The following PEBP4 variants were observed in gnomAD, a reference collection of about 807,000 sequenced individuals.
PEBP4 encodes phosphatidylethanolamine-binding protein 4.
A neutral mutation model predicts 23.9 loss-of-function variants in PEBP4; 22 were observed. The ratio of observed to expected loss-of-function variants is 0.92; its 90% CI spans 0.66 to 1.31. PEBP4 has a LOEUF of 1.31. PEBP4 is among the 40% of genes most tolerant of loss of function. PEBP4 has a pLI of 0.00. For synonymous variants in PEBP4, 112 were observed against 99.3 expected (o/e 1.13, Z -0.76); for missense variants, 324 against 281.7 (o/e 1.15, Z -1.07).
chr8:22,918,636 T>C (rs1809130625), intron 3 of PEBP4, among the ~76,000 whole-genome samples: 1 of 152,190 alleles, frequency 6.6e-6, no homozygotes, highest in Non-Finnish European at 1.5e-5. Flanking sequence ...AGAATTCCCT[T>C]GGGACTGTCC....
At chr8:22,851,984 G>T (rs1462567678) in intron 3 of PEBP4, among the ~76,000 whole-genome samples, 1 of 152,116 alleles carries the variant, frequency 6.6e-6, no homozygotes, top group East Asian at 1.9e-4. Context: ...GGCAGGGAAA[G>T]AAATTAATTT....
intron 3 of PEBP4, among the ~76,000 whole-genome samples, chr8:22,854,502 T>C (rs540423235): frequency 6.6e-6 from 1 of 152,234 alleles, no homozygotes; most frequent in Admixed American, 6.5e-5. Flanking sequence ...AATAGTGCCT[T>C]GATAAGAGCC....
At chr8:22,854,227 AT>A (rs1807597435) in intron 3 of PEBP4, among the ~76,000 whole-genome samples, 1 of 152,184 alleles carries the variant, frequency 6.6e-6, no homozygotes, top group African/African-American at 2.4e-5. Context: ...GCTGGTGTTC[AT>A]TTTAACTCTA....
chr8:22,803,164 G>A (rs1035092509), intron 4 of PEBP4, among the ~76,000 whole-genome samples: 7 of 152,064 alleles, frequency 4.6e-5, no homozygotes, highest in African/African-American at 9.7e-5. Context: ...TTATAAAGTC[G>A]CAGCACCTGA....
At chr8:22,809,161 C>T (rs1806563533) in intron 4 of PEBP4, among the ~76,000 whole-genome samples, 1 of 152,202 alleles carries the variant, frequency 6.6e-6, no homozygotes, top group African/African-American at 2.4e-5. Context: ...GCACCAGGTG[C>T]TACGTGCTGG....
chr8:22,725,103 G>A, intron 5 of PEBP4, 147 bp from the exon 6 acceptor site: 2 of 605,380 alleles, frequency 3.3e-6, no homozygotes, highest in Non-Finnish European at 6.0e-6. Context: ...TATTTGGCGG[G>A]ATCTCAGCTT....
intron 4 of PEBP4, among the ~76,000 whole-genome samples, chr8:22,791,888 A>T (rs1157832576): frequency 2.6e-5 from 4 of 151,898 alleles, no homozygotes; most frequent in Non-Finnish European, 5.9e-5. Flanking sequence ...ACAGGGTCTC[A>T]ATCTGTCTCC....
intron 3 of PEBP4, among the ~76,000 whole-genome samples, chr8:22,898,389 CCCAAAAAAAAAAAAAAAAAAAAAAAAAA>C (rs1808635318): frequency 1.6e-4 from 14 of 86,688 alleles, no homozygotes; most frequent in Admixed American, 1.3e-3. Context: ...AAGACTCCAC[CCCAAAAAAAAAAAAAAAAAAAAAAAAAA>C]AAAAAAAAAA....
chr8:22,763,454 C>T (rs1444823119), intron 4 of PEBP4, among the ~76,000 whole-genome samples: 3 of 152,062 alleles, frequency 2.0e-5, no homozygotes, highest in Non-Finnish European at 2.9e-5. Context: ...GTTTAAAGTA[C>T]GTGTTTACGA....
chr8:22,857,631 G>A (rs1473255953), intron 3 of PEBP4, among the ~76,000 whole-genome samples: 4 of 152,192 alleles, frequency 2.6e-5, no homozygotes, highest in Non-Finnish European at 1.5e-5. Flanking sequence ...AGGAGAACCT[G>A]AAGTTGGGGG....
chr8:22,933,912 G>A (rs369124015), intron 1 of PEBP4, among the ~76,000 whole-genome samples: 10 of 152,248 alleles, frequency 6.6e-5, no homozygotes, highest in Middle Eastern at 3.4e-3. Flanking sequence ...TCTGCTGGCC[G>A]GAAGACTGGG....
chr8:22,796,668 T>A (rs936921591), intron 4 of PEBP4, among the ~76,000 whole-genome samples: 4 of 152,094 alleles, frequency 2.6e-5, no homozygotes, highest in African/African-American at 9.7e-5. Flanking sequence ...GGGGCCTAGA[T>A]TATCCTAAGT....
At chr8:22,791,803 C>G (rs1205708357) in intron 4 of PEBP4, among the ~76,000 whole-genome samples, 4 of 152,064 alleles carry the variant, frequency 2.6e-5, no homozygotes, top group Admixed American at 6.6e-5. Flanking sequence ...GAGTGTACAG[C>G]AATAAACAAG....
chr8:22,724,694 G>T (rs1804587527), intron 6 of PEBP4, 149 bp downstream of exon 6: 2 of 640,266 alleles, frequency 3.1e-6, no homozygotes, highest in Non-Finnish European at 5.6e-6. Flanking sequence ...ACTCCTTCCA[G>T]TTCACTCCCA....
At chr8:22,778,511 C>T (rs1387903075) in intron 4 of PEBP4, among the ~76,000 whole-genome samples, 1 of 151,980 alleles carries the variant, frequency 6.6e-6, no homozygotes, top group Non-Finnish European at 1.5e-5. Flanking sequence ...GGCTCCTGGG[C>T]CTTCTTGGGC....
chr8:22,792,260 G>C (rs1393449161), intron 4 of PEBP4, among the ~76,000 whole-genome samples: 1 of 152,110 alleles, frequency 6.6e-6, no homozygotes, highest in Non-Finnish European at 1.5e-5. Flanking sequence ...CCTTAATCCA[G>C]GAGAGACAGC....
rs1287519374 is a variant in PEBP4 at position 22,920,316 on chromosome 8, A to G, written c.132-6T>C. The stretch of plus-strand genomic sequence containing the variant: ...GGTAGAAAACTTCAAGGCCCCTATG[A>G]AGAGAGAGGGGAGGTTGCCCTGTGT... On this transcript the variant is annotated splice_region_variant and splice_polypyrimidine_tract_variant and intron_variant, in intron 2 of 6. Transcript: ENST00000256404. 4 of 1,608,920 alleles carry G rather than the reference A, an allele frequency of 2.5e-6. No homozygotes were observed. Among genetic ancestry groups the G allele is most frequent in the African/African-American group, 1.3e-5 (1 of 74,942 alleles).
chr8:22,899,028 A>G lies in PEBP4; in HGVS notation c.258+21156T>C, dbSNP rs1216421990. The stretch of plus-strand genomic sequence containing the variant: ...AAGTCCATTGTCCCAGACAGGCGGT[A>G]CAGCACGGTGGTTCATTCACAGCCT... On this transcript the variant is annotated intron_variant, in intron 3 of 6. Transcript: ENST00000256404. Among the ~76,000 whole-genome samples the G allele has an allele frequency of 2.6e-5, 4 of 152,254 alleles. No individual in the cohort carries two copies. In the East Asian group the frequency reaches 7.7e-4, roughly 29 times the overall value.
chr8:22,731,736 G>T lies in PEBP4; in HGVS notation c.358-4516C>A, dbSNP rs1804740951. On this transcript the variant is annotated intron_variant, in intron 4 of 6. Coordinates refer to ENST00000256404, the MANE Select transcript of PEBP4 (RefSeq NM_144962.3). The stretch of plus-strand genomic sequence containing the variant: ...TGCAGTGGCACGATCTCGGCTCACT[G>T]CAACCTCTGCCTCCCGGGTTCATGC... Among the ~76,000 whole-genome samples the T allele has an allele frequency of 2.0e-5, 3 of 151,996 alleles. No individual in the cohort carries two copies. In the South Asian group the frequency reaches 6.2e-4, roughly 32 times the overall value.
Sources: allele counts gnomAD v4.1 joint callset (sites outside exome capture counted in the v4.1 genomes callset), GRCh38; gene constraint gnomAD v4.1.1; transcripts MANE v1.5; gene names NCBI Gene and HGNC (gene_info 2026-07-23, HGNC 2026-07-21).